Variants in ENAH observed in about 807,000 individuals in gnomAD.
ENAH encodes the protein protein enabled homolog.
Under a neutral mutation model 78.7 loss-of-function variants are expected in ENAH, and 23 were observed. That is an observed-to-expected ratio of 0.29 (90% CI 0.21 to 0.41). The LOEUF (loss-of-function observed/expected upper bound fraction) is 0.41, where lower values mean the gene tolerates loss of function less well. ENAH is among the 10% of genes least tolerant of loss of function. The probability of loss-of-function intolerance (pLI) is 1.00; values close to 1 mark genes in which losing one functional copy is unlikely to be tolerated. For synonymous variants in ENAH, 226 were observed against 241.0 expected (o/e 0.94, Z 0.58); for missense variants, 544 against 691.0 (o/e 0.79, Z 2.39).
chr1:225,524,492 T>C (rs1046131837), intron 4 of ENAH: 1 of 444,174 alleles, frequency 2.3e-6, no homozygotes, highest in African/African-American at 2.1e-5. Context: ...TTGTATAACA[T>C]GAGCATTTCA....
chr1:225,511,141 A>AT (rs1217969917), intron 10 of ENAH, among the ~76,000 whole-genome samples: 1 of 152,250 alleles, frequency 6.6e-6, no homozygotes, highest in East Asian at 1.9e-4. Flanking sequence ...CACTCTAGAT[A>AT]TTAACTCATC....
intron 3 of ENAH, among the ~76,000 whole-genome samples, chr1:225,541,148 A>AG (rs2096586346): frequency 1.3e-5 from 2 of 152,110 alleles, no homozygotes; most frequent in African/African-American, 4.8e-5. Context: ...AAATGTTCTA[A>AG]AATTGGCCGG....
chr1:225,533,109 A>G (rs184748601), intron 3 of ENAH, among the ~76,000 whole-genome samples: 1 of 152,276 alleles, frequency 6.6e-6, no homozygotes, highest in East Asian at 1.9e-4. Flanking sequence ...TGCAGTAACT[A>G]GCACATTGAA....
intron 4 of ENAH, among the ~76,000 whole-genome samples, chr1:225,523,546 TCTTA>T (rs1179839781): frequency 1.8e-4 from 28 of 152,090 alleles, no homozygotes; most frequent in African/African-American, 6.5e-4. Flanking sequence ...TGCAGGAGAT[TCTTA>T]CTATTTTCTT....
At chr1:225,608,220 G>GAAAAAAAA (rs60998592) in intron 1 of ENAH, among the ~76,000 whole-genome samples, 15 of 91,294 alleles carry the variant, frequency 1.6e-4, no homozygotes, top group Non-Finnish European at 2.4e-4. Context: ...ATAAAAAACA[G>GAAAAAAAA]AAAAAAAAAA....
chr1:225,573,712 A>G (rs912646746), intron 1 of ENAH, among the ~76,000 whole-genome samples: 2 of 152,200 alleles, frequency 1.3e-5, no homozygotes, highest in Non-Finnish European at 2.9e-5. Context: ...AGGATGCAAA[A>G]GAGGAGGCAA....
At chr1:225,557,074 C>T (rs1053546284) in intron 2 of ENAH, among the ~76,000 whole-genome samples, 1 of 152,136 alleles carries the variant, frequency 6.6e-6, no homozygotes, top group Non-Finnish European at 1.5e-5. Context: ...TAGAGTGTGT[C>T]TTCCTGTTTC....
At chr1:225,514,464 G>A in intron 7 of ENAH, 132 bp downstream of exon 7, 1 of 846,528 alleles carries the variant, frequency 1.2e-6, no homozygotes. Context: ...ATTGCGCCAG[G>A]GTAAATTATT....
intron 1 of ENAH, among the ~76,000 whole-genome samples, chr1:225,647,531 T>C (rs1338685237): frequency 1.3e-5 from 2 of 152,156 alleles, no homozygotes; most frequent in African/African-American, 4.8e-5. Context: ...CTGGTCCACA[T>C]AGCAAGACCA....
chr1:225,532,770 A>C (rs1040025480), intron 3 of ENAH, among the ~76,000 whole-genome samples: 2 of 152,132 alleles, frequency 1.3e-5, no homozygotes, highest in Non-Finnish European at 2.9e-5. Flanking sequence ...CTGTTCAGAA[A>C]GGAGATTTTT....
intron 5 of ENAH, 64 bp downstream of exon 5, chr1:225,519,134 A>T: frequency 6.4e-7 from 1 of 1,561,510 alleles, no homozygotes; most frequent in Non-Finnish European, 8.7e-7. Flanking sequence ...TTAACACATG[A>T]CTGCACAAGA....
At chr1:225,559,557 T>C (rs1275742928) in intron 2 of ENAH, among the ~76,000 whole-genome samples, 1 of 152,122 alleles carries the variant, frequency 6.6e-6, no homozygotes, top group East Asian at 1.9e-4. Flanking sequence ...CTGTGAAATA[T>C]CTGGTTCCAA....
intron 1 of ENAH, among the ~76,000 whole-genome samples, chr1:225,591,116 T>C (rs567642566): frequency 9.2e-5 from 14 of 152,358 alleles, no homozygotes; most frequent in Middle Eastern, 3.4e-3. Context: ...GCATATTTTG[T>C]GTTATCAGAA....
In ENAH at chr1:225,563,673, G is replaced by A. The variant is rs563234805; in HGVS notation, c.171+3576C>T. Among the ~76,000 whole-genome samples the A allele has an allele frequency of 3.3e-5, 5 of 152,122 alleles. No homozygotes were observed. The East Asian group carries it at 9.6e-4, about 29-fold the overall frequency. Reference sequence around the variant, plus strand: ...TTGTTTTTTACTCATTACTACATTTGGTCTGCTAATATCTTATTGAGGACT... The same window carrying A: ...TTGTTTTTTACTCATTACTACATTTAGTCTGCTAATATCTTATTGAGGACT... On this transcript the variant is annotated intron_variant, in intron 2 of 13. Transcript: ENST00000366843.
intron 1 of ENAH, among the ~76,000 whole-genome samples, chr1:225,633,183 C>T (rs910377785): frequency 6.6e-6 from 1 of 151,950 alleles, no homozygotes; most frequent in African/African-American, 2.4e-5. Flanking sequence ...GCTGGAACTA[C>T]AGGCACCTGC....
chr1:225,536,637 GT>G (rs2096563062), intron 3 of ENAH, among the ~76,000 whole-genome samples: 1 of 151,908 alleles, frequency 6.6e-6, no homozygotes, highest in Admixed American at 6.6e-5. Context: ...CTAACTAAAA[GT>G]TTTAGAAAAA....
chr1:225,576,733 A>G (rs1297664758), intron 1 of ENAH, among the ~76,000 whole-genome samples: 2 of 152,252 alleles, frequency 1.3e-5, no homozygotes, highest in Non-Finnish European at 2.9e-5. Flanking sequence ...ATCCATATGA[A>G]GAGGCAGCAA....
At chr1:225,649,736 C>G (rs3904084) in intron 1 of ENAH, among the ~76,000 whole-genome samples, 14,811 of 152,178 alleles carry the variant, frequency 0.097, 851 homozygotes, top group South Asian at 0.23. Flanking sequence ...GTTTCAGGAA[C>G]ATAAACTATT....
chr1:225,652,590 C>G lies in ENAH; in HGVS notation c.5+96G>C, dbSNP rs1046883219. On this transcript the variant is annotated intron_variant, in intron 1 of 13. Coordinates refer to ENST00000366843, the MANE Select transcript of ENAH (RefSeq NM_018212.6). ...AGACCGGAGACCAGGGGAGACGCGCCGGGCCGGGAGAGGGAAGGCGGGGTC... is the reference window on the plus strand; with the variant it reads ...AGACCGGAGACCAGGGGAGACGCGCGGGGCCGGGAGAGGGAAGGCGGGGTC... The G allele has an allele frequency of 2.5e-6, 3 of 1,182,826 alleles. No homozygotes were observed. The South Asian group carries it at 9.8e-5, about 39-fold the overall frequency. The allele number at this position is 1,182,826 out of a possible 1,614,324, so 73.3% of individuals were successfully genotyped here. A position where few individuals can be genotyped will look rare whatever the true frequency, so the allele number is the denominator to read the frequency against.
Sources: gnomAD v4.1 joint callset for allele counts (sites outside exome capture counted in the v4.1 genomes callset) on GRCh38, gnomAD v4.1.1 for gene constraint, MANE v1.5 for transcripts, NCBI Gene and HGNC (gene_info 2026-07-23, HGNC 2026-07-21) for gene names.